The following SMAP1 variants were observed in gnomAD, a reference collection of about 807,000 sequenced individuals.
SMAP1 encodes small ArfGAP 1.
SMAP1 carries 24 observed loss-of-function variants against 58.5 expected under a neutral mutation model. The ratio of observed to expected loss-of-function variants is 0.41; its 90% CI spans 0.30 to 0.58. SMAP1 has a LOEUF of 0.58. Among genes scored for constraint, SMAP1 ranks in the 20% least tolerant of loss-of-function variants. The probability of loss-of-function intolerance (pLI) is 0.29; values close to 1 mark genes in which losing one functional copy is unlikely to be tolerated. For missense variants in SMAP1, 563 were observed against 566.3 expected, an observed-to-expected ratio of 0.99 and a Z score of 0.06; for synonymous variants, 216 against 196.6, an observed-to-expected ratio of 1.10 and a Z score of -0.82.
At chr6:70,825,611 C>T (rs753142450) in intron 6 of SMAP1, among the ~76,000 whole-genome samples, 7 of 152,036 alleles carry the variant, frequency 4.6e-5, no homozygotes, top group Non-Finnish European at 8.8e-5. Context: ...TAGAGTCTTA[C>T]GAACAGGAGC....
intron 1 of SMAP1, among the ~76,000 whole-genome samples, chr6:70,712,517 A>G (rs1172589305): frequency 6.6e-6 from 1 of 152,188 alleles, no homozygotes; most frequent in Non-Finnish European, 1.5e-5. Flanking sequence ...GATTGGTGTT[A>G]ATTCTTCTTT....
intron 3 of SMAP1, among the ~76,000 whole-genome samples, chr6:70,771,404 C>A (rs1383053770): frequency 6.6e-6 from 1 of 152,224 alleles, no homozygotes; most frequent in African/African-American, 2.4e-5. Flanking sequence ...TGGGCTCCAC[C>A]CAGTTGGAGC....
chr6:70,723,382 A>G (rs1768615776), intron 1 of SMAP1, among the ~76,000 whole-genome samples: 1 of 152,188 alleles, frequency 6.6e-6, no homozygotes, highest in Non-Finnish European at 1.5e-5. Flanking sequence ...TTGTTCTTCA[A>G]GGCCTTTGTG....
At chr6:70,738,783 CAACT>C (rs933102748) in intron 2 of SMAP1, among the ~76,000 whole-genome samples, 1 of 152,042 alleles carries the variant, frequency 6.6e-6, no homozygotes, top group African/African-American at 2.4e-5. Flanking sequence ...GCTTAAAAAA[CAACT>C]AAAACTACAG....
At chr6:70,748,716 AGTT>A (rs930649614) in intron 2 of SMAP1, among the ~76,000 whole-genome samples, 2 of 152,058 alleles carry the variant, frequency 1.3e-5, no homozygotes, top group African/African-American at 4.8e-5. Flanking sequence ...TATTTTATTT[AGTT>A]GTTGGGAATA....
At chr6:70,859,248 GT>G in intron 10 of SMAP1, 1 of 954,824 alleles carries the variant, frequency 1.0e-6, no homozygotes, top group Non-Finnish European at 1.6e-6. Context: ...CAGTCACATG[GT>G]CAACATGCTG....
At chr6:70,734,435 T>C (rs1242820389) in intron 2 of SMAP1, 1 of 152,316 alleles carries the variant, frequency 6.6e-6, no homozygotes. Flanking sequence ...CATGAGCCAC[T>C]GGACCCGGTC....
intron 6 of SMAP1, among the ~76,000 whole-genome samples, chr6:70,802,819 C>T (rs935069336): frequency 2.6e-5 from 4 of 152,028 alleles, no homozygotes; most frequent in Non-Finnish European, 4.4e-5. Context: ...TATCGATTTG[C>T]GTATGTTGAA....
chr6:70,672,183 G>T (rs1766294598), intron 1 of SMAP1, among the ~76,000 whole-genome samples: 1 of 152,206 alleles, frequency 6.6e-6, no homozygotes, highest in East Asian at 1.9e-4. Flanking sequence ...GCAAATAAAT[G>T]ATTCTAAAAC....
Position 70,738,274 on chromosome 6 carries a change from G to A in SMAP1, c.252+5763G>A, listed in dbSNP as rs946588916. On this transcript the variant is annotated intron_variant, in intron 2 of 10. Transcript: ENST00000370455. ...TTGCATAAAAATTATATCATGGTTA[G>A]TGATGGTGATTCAGCTTTTACCAAA... 3.3e-5 allele frequency among the ~76,000 whole-genome samples: 5 copies of A among 152,116 alleles called. No individual in the cohort carries two copies. In the South Asian group the frequency reaches 1.0e-3, roughly 32 times the overall value.
chr6:70,783,135 G>A (rs1012915726), intron 4 of SMAP1, among the ~76,000 whole-genome samples: 5 of 152,154 alleles, frequency 3.3e-5, no homozygotes, highest in South Asian at 2.1e-4. Context: ...ATGAAAATCC[G>A]CTGTTCTACA....
At chr6:70,805,342 C>A (rs1769073693) in intron 6 of SMAP1, among the ~76,000 whole-genome samples, 1 of 152,158 alleles carries the variant, frequency 6.6e-6, no homozygotes, top group Non-Finnish European at 1.5e-5. Context: ...CCATGGCTTT[C>A]AGCTCCATCA....
intron 7 of SMAP1, among the ~76,000 whole-genome samples, chr6:70,847,458 C>T (rs1384139931): frequency 6.6e-6 from 1 of 152,194 alleles, no homozygotes; most frequent in African/African-American, 2.4e-5. Context: ...AAATAAGACA[C>T]TAGCCTAACA....
chr6:70,691,487 G>C (rs565540683), intron 1 of SMAP1, among the ~76,000 whole-genome samples: 19 of 152,044 alleles, frequency 1.2e-4, no homozygotes, highest in Admixed American at 1.2e-3. Flanking sequence ...ATTTTAAAAT[G>C]TGTGATAAAT....
chr6:70,855,464 A>C (rs1771377958), intron 8 of SMAP1, among the ~76,000 whole-genome samples: 1 of 152,140 alleles, frequency 6.6e-6, no homozygotes, highest in South Asian at 2.1e-4. Flanking sequence ...GTTTTCTTAT[A>C]GTTGTCTCTT....
intron 3 of SMAP1, among the ~76,000 whole-genome samples, chr6:70,762,212 C>T (rs963769843): frequency 6.6e-6 from 1 of 152,092 alleles, no homozygotes; most frequent in East Asian, 1.9e-4. Flanking sequence ...GAATAGAATT[C>T]AGGAATCAGT....
rs538041008 is a variant in SMAP1 at position 70,737,960 on chromosome 6, G to A, written c.252+5449G>A. 9.3e-4 allele frequency among the ~76,000 whole-genome samples: 141 copies of A among 152,190 alleles called. 1 individual carries two copies. Among genetic ancestry groups the A allele is most frequent in the African/African-American group, 3.2e-3 (133 of 41,514 alleles). On this transcript the variant is annotated intron_variant, in intron 2 of 10. Coordinates refer to ENST00000370455, the MANE Select transcript of SMAP1 (RefSeq NM_001044305.3). ...TGAGCTAGCATATGAAAATTCCAAC[G>A]GTAATATATGCAGGTACTAGAAAGG... is the stretch of plus-strand genomic sequence containing the variant.
chr6:70,766,997 A>G lies in SMAP1; in HGVS notation c.339-6353A>G, dbSNP rs1439746965. On this transcript the variant is annotated intron_variant, in intron 3 of 10. Transcript: ENST00000370455. ...CAGTTTTCCCAGCATCATTTATTAA[A>G]TAGGGAATCCTTTCCCCATTGCTTG... Among the ~76,000 whole-genome samples the G allele has an allele frequency of 3.3e-5, 5 of 152,144 alleles. No homozygotes were observed. In the East Asian group the frequency reaches 9.6e-4, roughly 29 times the overall value.
At chr6:70,805,737 G>C (rs1420558470) in intron 6 of SMAP1, among the ~76,000 whole-genome samples, 1 of 152,164 alleles carries the variant, frequency 6.6e-6, no homozygotes, top group African/African-American at 2.4e-5. Context: ...CTGTTTGTTG[G>C]TTTTCCTTCT....
Sources: gnomAD v4.1 joint callset for allele counts (sites outside exome capture counted in the v4.1 genomes callset) on GRCh38, gnomAD v4.1.1 for gene constraint, MANE v1.5 for transcripts, NCBI Gene and HGNC (gene_info 2026-07-23, HGNC 2026-07-21) for gene names.